Variants in ABI2 observed in about 807,000 individuals in gnomAD.
ABI2 encodes the protein abelson interactor 2.
In ABI2, 25 loss-of-function variants were observed where a neutral mutation model predicts 59.2. The observed-to-expected ratio is 0.42, with a 90% CI of 0.31 to 0.59. The LOEUF (loss-of-function observed/expected upper bound fraction) is 0.59, where lower values mean the gene tolerates loss of function less well. ABI2 is among the 20% of genes least tolerant of loss of function. The pLI, the probability that ABI2 is intolerant of heterozygous loss-of-function variation, is 0.14. For missense variants in ABI2, 545 were observed against 681.8 expected, an observed-to-expected ratio of 0.80 and a Z score of 2.23; for synonymous variants, 213 against 235.5, an observed-to-expected ratio of 0.90 and a Z score of 0.87.
intron 11 of ABI2, among the ~76,000 whole-genome samples, chr2:203,425,052 T>A (rs963239892): frequency 6.6e-6 from 1 of 151,258 alleles, no homozygotes; most frequent in Non-Finnish European, 1.5e-5. Context: ...TTGTATTTTT[T>A]TTTTGGTAGA....
intron 1 of ABI2, among the ~76,000 whole-genome samples, chr2:203,343,986 T>G (rs1319875917): frequency 1.3e-5 from 2 of 152,046 alleles, no homozygotes; most frequent in Non-Finnish European, 2.9e-5. Context: ...TTACAGAAAT[T>G]AGCTGGATAT....
At chr2:203,399,800 C>G (rs1372273698) in intron 8 of ABI2, among the ~76,000 whole-genome samples, 2 of 152,214 alleles carry the variant, frequency 1.3e-5, no homozygotes, top group East Asian at 3.8e-4. Flanking sequence ...CAGGCGTGAG[C>G]CACTGGGTCC....
At chr2:203,345,938 A>C (rs1271916184) in intron 1 of ABI2, among the ~76,000 whole-genome samples, 1 of 151,648 alleles carries the variant, frequency 6.6e-6, no homozygotes, top group Non-Finnish European at 1.5e-5. Context: ...CCAGCACTTT[A>C]GGAGGCCGAG....
At chr2:203,396,663 C>T in intron 7 of ABI2, 122 bp from the exon 8 acceptor site, 1 of 1,026,936 alleles carries the variant, frequency 9.7e-7, no homozygotes, top group Non-Finnish European at 1.3e-6. Flanking sequence ...TTTTTTTCAA[C>T]TCTGTTCTTT....
chr2:203,379,738 G>C (rs1205638154), intron 2 of ABI2, among the ~76,000 whole-genome samples: 1 of 152,154 alleles, frequency 6.6e-6, no homozygotes, highest in Non-Finnish European at 1.5e-5. Flanking sequence ...AACCTTTTCT[G>C]TAAAGGAGCC....
intron 1 of ABI2, among the ~76,000 whole-genome samples, chr2:203,347,817 C>A (rs773320943): frequency 1.1e-4 from 16 of 152,076 alleles, no homozygotes; most frequent in Non-Finnish European, 2.1e-4. Context: ...TTGTCTAAGG[C>A]CTAGCAGTTG....
chr2:203,416,436 C>T (rs961049699), intron 10 of ABI2, among the ~76,000 whole-genome samples: 4 of 152,066 alleles, frequency 2.6e-5, no homozygotes, highest in Admixed American at 2.0e-4. Context: ...GCTGGGATTA[C>T]GGGCGCCCAC....
chr2:203,363,064 C>T (rs1358209967), intron 1 of ABI2, among the ~76,000 whole-genome samples: 1 of 152,106 alleles, frequency 6.6e-6, no homozygotes, highest in Admixed American at 6.5e-5. Context: ...CTCCTGGCCT[C>T]AAGTGATCCG....
chr2:203,352,377 C>T (rs2089310456), intron 1 of ABI2, among the ~76,000 whole-genome samples: 1 of 152,106 alleles, frequency 6.6e-6, no homozygotes, highest in African/African-American at 2.4e-5. Context: ...GAGTCTCAGG[C>T]AGTCCTTCAG....
intron 4 of ABI2, among the ~76,000 whole-genome samples, chr2:203,388,885 T>C (rs16839748): frequency 0.017 from 2,570 of 152,246 alleles, 66 homozygotes; most frequent in African/African-American, 0.056. Flanking sequence ...ATCCCATGTA[T>C]AGAATAAAAT....
intron 2 of ABI2, among the ~76,000 whole-genome samples, chr2:203,376,710 T>C (rs1218466028): frequency 6.6e-6 from 1 of 151,694 alleles, no homozygotes; most frequent in Non-Finnish European, 1.5e-5. Context: ...TTGTTATCTT[T>C]CTATTTACTG....
At chr2:203,348,058 T>C in intron 1 of ABI2, among the ~76,000 whole-genome samples, 1 of 152,026 alleles carries the variant, frequency 6.6e-6, no homozygotes, top group Non-Finnish European at 1.5e-5. Flanking sequence ...TTGGCCAACG[T>C]GGTGAACCCT....
intron 2 of ABI2, among the ~76,000 whole-genome samples, chr2:203,379,635 CTA>C (rs1484362041): frequency 2.0e-5 from 3 of 152,128 alleles, no homozygotes; most frequent in Non-Finnish European, 2.9e-5. Flanking sequence ...AGAAATGTAA[CTA>C]GATTAATTTC....
rs1252025677 is a variant in ABI2, at chr2:203,328,462, G to GCCGCCGCTCCCTCTGCGA, written c.-50_-33dup. Reference sequence around the variant, plus strand: ...GGTCCTGGGTTTCCTTGGCGCTGCGGCCGCCGCTCCCTCTGCGACCTGTAT... The same window carrying GCCGCCGCTCCCTCTGCGA: ...GGTCCTGGGTTTCCTTGGCGCTGCGGCCGCCGCTCCCTCTGCGACCGCCGCTCCCTCTGCGACCTGTAT... On this transcript the variant is annotated 5_prime_UTR_variant, in exon 1 of 12. Coordinates refer to ENST00000261018, the MANE Select transcript of ABI2 (RefSeq NM_001375670.1). 6.9e-7 allele frequency: 1 copy of GCCGCCGCTCCCTCTGCGA among 1,447,398 alleles called. No individual in the cohort carries two copies. The highest frequency in any genetic ancestry group is 1.4e-5 in the African/African-American group (1 of 69,238). The allele number at this position is 1,447,398 out of a possible 1,614,324, so 89.7% of individuals were successfully genotyped here.
chr2:203,354,099 C>T (rs531890515), intron 1 of ABI2, among the ~76,000 whole-genome samples: 10 of 152,216 alleles, frequency 6.6e-5, no homozygotes, highest in South Asian at 2.1e-4. Flanking sequence ...GGTTGGAGTG[C>T]GGTGGCGCAA....
At chr2:203,359,845 TG>T (rs34499527) in intron 1 of ABI2, among the ~76,000 whole-genome samples, 110,707 of 151,446 alleles carry the variant, frequency 0.73, 41,682 homozygotes, top group Middle Eastern at 0.86. Context: ...TGTACATTTT[TG>T]GGGGGGGGAC....
chr2:203,365,813 T>C (rs2094352637), intron 1 of ABI2, among the ~76,000 whole-genome samples: 1 of 151,774 alleles, frequency 6.6e-6, no homozygotes, highest in Admixed American at 6.6e-5. Context: ...GTATTTTTAG[T>C]AGAGACGGGG....
chr2:203,420,396 CT>C (rs59111250), intron 11 of ABI2, among the ~76,000 whole-genome samples: 1,855 of 140,336 alleles, frequency 0.013, 12 homozygotes, highest in African/African-American at 0.023. Flanking sequence ...GTGACAGTCC[CT>C]TTTTTTTTTT....
Position 203,371,287 on chromosome 2 carries a change from C to A in ABI2, c.285+4243C>A, listed in dbSNP as rs892751416. 3.3e-5 allele frequency among the ~76,000 whole-genome samples: 5 copies of A among 152,154 alleles called. No homozygotes were observed. The East Asian group carries it at 9.6e-4, about 29-fold the overall frequency. On this transcript the variant is annotated intron_variant, in intron 2 of 11. Coordinates refer to ENST00000261018, the MANE Select transcript of ABI2 (RefSeq NM_001375670.1). ...TTCCCAAATTACTCTGAATTGTAAT[C>A]CGAGGATGGGAATTCCATTGACTGT...
Sources: allele counts gnomAD v4.1 joint callset (sites outside exome capture counted in the v4.1 genomes callset), GRCh38; gene constraint gnomAD v4.1.1; transcripts MANE v1.5; gene names NCBI Gene and HGNC (gene_info 2026-07-23, HGNC 2026-07-21).